FHIT: variants seen among roughly 807,000 people sequenced by gnomAD.
FHIT encodes bis(5'-adenosyl)-triphosphatase.
A neutral mutation model predicts 17.9 loss-of-function variants in FHIT; 19 were observed. The observed-to-expected ratio is 1.06, with a 90% CI of 0.74 to 1.56. The LOEUF (loss-of-function observed/expected upper bound fraction) is 1.56, where lower values mean the gene tolerates loss of function less well. Ranked by LOEUF, FHIT falls within the 40% of genes most tolerant of loss-of-function variation. The probability of loss-of-function intolerance (pLI) is 0.00; values close to 1 mark genes in which losing one functional copy is unlikely to be tolerated. For missense variants in FHIT, 248 were observed against 189.2 expected, an observed-to-expected ratio of 1.31 and a Z score of -1.82; for synonymous variants, 81 against 69.7, an observed-to-expected ratio of 1.16 and a Z score of -0.81.
intron 8 of FHIT, among the ~76,000 whole-genome samples, chr3:59,858,384 G>T (rs531896504): frequency 4.6e-5 from 7 of 151,434 alleles, no homozygotes; most frequent in Non-Finnish European, 7.4e-5. Flanking sequence ...CCGCCACTAC[G>T]CCTGGCTAAT....
At chr3:60,133,857 CAT>C (rs1157762402) in intron 5 of FHIT, among the ~76,000 whole-genome samples, 4 of 147,264 alleles carry the variant, frequency 2.7e-5, no homozygotes, top group African/African-American at 7.4e-5. Context: ...AAAAAAAAAA[CAT>C]GTTTCCATTT....
intron 7 of FHIT, among the ~76,000 whole-genome samples, chr3:60,009,389 A>G (rs1404928714): frequency 6.6e-6 from 1 of 152,208 alleles, no homozygotes; most frequent in Non-Finnish European, 1.5e-5. Flanking sequence ...TAAAAAGTTC[A>G]ACTTAAGCTA....
At chr3:59,936,179 G>A (rs1706229500) in intron 7 of FHIT, among the ~76,000 whole-genome samples, 1 of 152,184 alleles carries the variant, frequency 6.6e-6, no homozygotes, top group African/African-American at 2.4e-5. Context: ...CAGGAGAGAA[G>A]AAGAAACCTA....
Position 61,024,304 on chromosome 3 carries a change from C to T in FHIT, c.-111+17743G>A, listed in dbSNP as rs181576222. 2.2e-3 allele frequency among the ~76,000 whole-genome samples: 341 copies of T among 152,198 alleles called. 7 individuals carry two copies. Among genetic ancestry groups the T allele is most frequent in the Admixed American group, 0.02 (311 of 15,292 alleles). On this transcript the variant is annotated intron_variant, in intron 3 of 9. Transcript: ENST00000492590. ...TAAGACTTTTATATGACATTCAACC[C>T]TGTTTTCCCCCCTTCTCCCCCAACA...
At chr3:60,050,016 A>G (rs1424865515) in intron 5 of FHIT, among the ~76,000 whole-genome samples, 2 of 152,120 alleles carry the variant, frequency 1.3e-5, no homozygotes, top group African/African-American at 4.8e-5. Context: ...TTCTTATTTA[A>G]ATATTCATGT....
At chr3:60,167,730 A>G (rs1701239730) in intron 5 of FHIT, among the ~76,000 whole-genome samples, 2 of 152,330 alleles carry the variant, frequency 1.3e-5, no homozygotes, top group South Asian at 2.1e-4. Flanking sequence ...AGATAATAAC[A>G]TTTGTAAAAA....
intron 5 of FHIT, among the ~76,000 whole-genome samples, chr3:60,108,647 C>T (rs982530874): frequency 8.0e-5 from 12 of 149,898 alleles, no homozygotes; most frequent in Non-Finnish European, 1.5e-4. Flanking sequence ...GGCCTTTAAT[C>T]CTGTCCCAGT....
At chr3:60,578,998 C>T (rs1381194893) in intron 4 of FHIT, among the ~76,000 whole-genome samples, 1 of 152,154 alleles carries the variant, frequency 6.6e-6, no homozygotes, top group Non-Finnish European at 1.5e-5. Flanking sequence ...TCAATGTTAT[C>T]TCAAGAAATG....
At chr3:59,771,454 G>A (rs1419099917) in intron 8 of FHIT, among the ~76,000 whole-genome samples, 3 of 152,222 alleles carry the variant, frequency 2.0e-5, no homozygotes, top group African/African-American at 4.8e-5. Context: ...AGATAAAGAA[G>A]GGAGGTCAGG....
At chr3:60,961,352 G>A (rs1553780726) in intron 3 of FHIT, among the ~76,000 whole-genome samples, 1 of 152,128 alleles carries the variant, frequency 6.6e-6, no homozygotes, top group African/African-American at 2.4e-5. Context: ...TGCGTACATT[G>A]TAAAAACTTT....
chr3:60,217,754 G>T (rs1351424714), intron 5 of FHIT, among the ~76,000 whole-genome samples: 1 of 152,018 alleles, frequency 6.6e-6, no homozygotes, highest in African/African-American at 2.4e-5. Flanking sequence ...CATTCCTAAG[G>T]TCTGCTTTAG....
At chr3:59,960,320 T>C (rs13092173) in intron 7 of FHIT, among the ~76,000 whole-genome samples, 50,822 of 151,946 alleles carry the variant, frequency 0.33, 10,119 homozygotes, top group East Asian at 0.52. Flanking sequence ...TTAAGAAATA[T>C]TGTGGGGTAA....
At chr3:60,124,041 G>GAGAGAGAGAGAGAGAGAGAC (rs1705417901) in intron 5 of FHIT, among the ~76,000 whole-genome samples, 19 of 47,638 alleles carry the variant, frequency 4.0e-4, no homozygotes, top group Non-Finnish European at 5.1e-4. Flanking sequence ...GAGAGAGAGA[G>GAGAGAGAGAGAGAGAGAGAC]AGAGAGAGAG....
In FHIT at chr3:61,122,687, C is replaced by T. The variant is rs182344278; in HGVS notation, c.-164+77930G>A. On this transcript the variant is annotated intron_variant, in intron 2 of 9. Coordinates refer to ENST00000492590, the MANE Select transcript of FHIT (RefSeq NM_002012.4). ...GAAAACAACCCCATCAAAAAGTGGG[C>T]GAAGGATATGAACAGTCACTTCTCA... 3.8e-3 allele frequency among the ~76,000 whole-genome samples: 579 copies of T among 152,114 alleles called. 2 individuals are homozygous for T. Among genetic ancestry groups the T allele is most frequent in the Non-Finnish European group, 5.9e-3 (399 of 68,004 alleles).
rs1417906760 is a variant in FHIT at position 60,650,820 on chromosome 3, A to G, written c.-17-113841T>C. On this transcript the variant is annotated intron_variant, in intron 4 of 9. Coordinates refer to ENST00000492590, the MANE Select transcript of FHIT (RefSeq NM_002012.4). ...TCTTTTTCTTCTATCAAAACCAAAC[A>G]TAGTTACTAGAAAACATCTGAAAAA... is the stretch of plus-strand genomic sequence containing the variant. Among the ~76,000 whole-genome samples the G allele has an allele frequency of 2.0e-5, 3 of 152,218 alleles. No homozygotes were observed. The East Asian group carries it at 5.8e-4, about 29-fold the overall frequency.
At chr3:60,113,268 C>T (rs1247408960) in intron 5 of FHIT, among the ~76,000 whole-genome samples, 1 of 152,180 alleles carries the variant, frequency 6.6e-6, no homozygotes, top group Admixed American at 6.5e-5. Flanking sequence ...CTTACAGCAG[C>T]ATGAAACACA....
chr3:60,294,686 C>T (rs150787419), intron 5 of FHIT, among the ~76,000 whole-genome samples: 12 of 152,198 alleles, frequency 7.9e-5, no homozygotes, highest in African/African-American at 2.4e-4. Flanking sequence ...AATTTGCTCC[C>T]GCCCTCACTC....
intron 3 of FHIT, among the ~76,000 whole-genome samples, chr3:60,856,817 C>T (rs1001717203): frequency 6.6e-6 from 1 of 152,020 alleles, no homozygotes; most frequent in Non-Finnish European, 1.5e-5. Flanking sequence ...AGTGCGTGGA[C>T]CCTATTGTAC....
intron 5 of FHIT, among the ~76,000 whole-genome samples, chr3:60,442,235 C>T (rs546858717): frequency 1.3e-5 from 2 of 152,062 alleles, no homozygotes; most frequent in Non-Finnish European, 2.9e-5. Flanking sequence ...AATTGTTTTG[C>T]CACATACCTA....
Sources: allele counts gnomAD v4.1 joint callset (sites outside exome capture counted in the v4.1 genomes callset), GRCh38; gene constraint gnomAD v4.1.1; transcripts MANE v1.5; gene names NCBI Gene and HGNC (gene_info 2026-07-23, HGNC 2026-07-21).